DCT: variants seen among roughly 807,000 people sequenced by gnomAD.
The protein encoded by DCT is dopachrome tautomerase, also known as L-dopachrome tautomerase.
Under a neutral mutation model 53.0 loss-of-function variants are expected in DCT, and 47 were observed. The ratio of observed to expected loss-of-function variants is 0.89; its 90% CI spans 0.70 to 1.13. The LOEUF (loss-of-function observed/expected upper bound fraction) is 1.13. DCT is among the 50% of genes most tolerant of loss of function. The pLI, the probability that DCT is intolerant of heterozygous loss-of-function variation, is 0.00. For missense variants in DCT, 669 were observed against 637.4 expected (o/e 1.05, Z -0.53); for synonymous variants, 244 against 237.0 (o/e 1.03, Z -0.27).
chr13:94,505,207 G>T, the DCT span, among the ~76,000 whole-genome samples: 1 of 149,774 alleles, frequency 6.7e-6, no homozygotes, highest in African/African-American at 2.5e-5. Context: ...CCTGGTCTAG[G>T]GTTCTTGACA....
the DCT span, among the ~76,000 whole-genome samples, chr13:94,545,241 ATATAT>A: frequency 2.0e-5 from 3 of 152,088 alleles, no homozygotes; most frequent in Admixed American, 2.0e-4. Flanking sequence ...CAGGTAAAAT[ATATAT>A]TATAAAACCA....
Position 94,439,954 on chromosome 13 carries a change from A to C in DCT, c.1504T>G (p.Tyr502Asp), listed in dbSNP as rs1882164609. 1 of 1,613,914 alleles carries C rather than the reference A, an allele frequency of 6.2e-7. No homozygotes were observed. Among genetic ancestry groups the C allele is most frequent in the Non-Finnish European group, 8.5e-7 (1 of 1,179,946 alleles). The change falls in exon 8 of 8, where the codon TAT (tyrosine) becomes GAT (aspartate). Residue 502 changes from tyrosine (Y) to aspartate (D), a missense_variant. Tyr to Asp is a radical substitution (Grantham distance 160, BLOSUM62 -3). Coordinates refer to ENST00000377028, the MANE Select transcript of DCT (RefSeq NM_001922.5). ...AAATGTGTCTCCATTAGGGGTGTAT[A>C]TCCTTTTCGAAGTCTTCTATATTGA... is the stretch of plus-strand genomic sequence containing the variant. ...FLQYRRLRKG[Y>D]TPLMETHLSS...
At chr13:94,466,019 T>TATAC in intron 3 of DCT, among the ~76,000 whole-genome samples, 1 of 101,200 alleles carries the variant, frequency 9.9e-6, no homozygotes, top group East Asian at 3.9e-4. Context: ...TATATATATA[T>TATAC]ATATACTGTG....
At chr13:94,548,637 C>T in the DCT span, among the ~76,000 whole-genome samples, 1 of 151,854 alleles carries the variant, frequency 6.6e-6, no homozygotes, top group Admixed American at 6.6e-5. Flanking sequence ...TCTAGGACAC[C>T]CAGTTTGGCC....
chr13:94,443,651 G>A lies in DCT; in HGVS notation c.1180-14C>T, dbSNP rs377619192. On this transcript the variant is annotated splice_polypyrimidine_tract_variant and intron_variant, in intron 6 of 7. Coordinates refer to ENST00000377028, the MANE Select transcript of DCT (RefSeq NM_001922.5). ...GGAATGAAGAACCTGCAAAACAGTT[G>A]GACACAGCATTTAACATAAATCAGT... The A allele has an allele frequency of 7.5e-6, 12 of 1,600,362 alleles. 1 individual carries two copies. The South Asian group carries it at 7.7e-5, about 10-fold the overall frequency.
At chr13:94,517,900 A>G in the DCT span, among the ~76,000 whole-genome samples, 1 of 152,044 alleles carries the variant, frequency 6.6e-6, no homozygotes, top group African/African-American at 2.4e-5. Flanking sequence ...AATTCTCCCC[A>G]CTACAGCCTC....
the DCT span, among the ~76,000 whole-genome samples, chr13:94,549,337 G>T: frequency 6.6e-6 from 1 of 152,242 alleles, no homozygotes; most frequent in Non-Finnish European, 1.5e-5. Context: ...CAGCCCCCCA[G>T]GCGGCGCGCG....
intron 6 of DCT, among the ~76,000 whole-genome samples, chr13:94,453,102 G>A (rs977428670): frequency 6.6e-6 from 1 of 151,990 alleles, no homozygotes; most frequent in Admixed American, 6.6e-5. Flanking sequence ...TACATAATAG[G>A]TGCCTTATAG....
intron 1 of DCT, among the ~76,000 whole-genome samples, chr13:94,470,982 T>C (rs1202295129): frequency 6.6e-6 from 1 of 152,240 alleles, no homozygotes; most frequent in East Asian, 1.9e-4. Context: ...ATGTAGCAGA[T>C]GATGCCACAT....
the DCT span, among the ~76,000 whole-genome samples, chr13:94,519,157 A>G: frequency 0.49 from 73,977 of 152,050 alleles, 20,211 homozygotes; most frequent in African/African-American, 0.74. Context: ...ATCCTGCTAA[A>G]GCCCCCTATA....
chr13:94,454,569 G>T (rs1883291962), intron 6 of DCT, among the ~76,000 whole-genome samples: 1 of 152,142 alleles, frequency 6.6e-6, no homozygotes, highest in Non-Finnish European at 1.5e-5. Flanking sequence ...TTGCTTCAGA[G>T]TTTTTCCTGC....
At chr13:94,440,199 C>T (rs1279010935) in intron 7 of DCT, 123 bp from the exon 8 acceptor site, 2 of 675,884 alleles carry the variant, frequency 3.0e-6, no homozygotes, top group Non-Finnish European at 5.0e-6. Flanking sequence ...ACTACTCATG[C>T]TAGACTAAAA....
intron 2 of DCT, 58 bp from the exon 3 acceptor site, chr13:94,466,716 A>G (rs1884250061): frequency 2.5e-6 from 3 of 1,182,256 alleles, no homozygotes; most frequent in South Asian, 1.4e-5. Flanking sequence ...AAAATGTTAA[A>G]TCTTACCTGG....
At chr13:94,476,622 C>T (rs1462122615) in intron 1 of DCT, among the ~76,000 whole-genome samples, 2 of 151,844 alleles carry the variant, frequency 1.3e-5, no homozygotes, top group African/African-American at 4.8e-5. Flanking sequence ...ATTACAGGTG[C>T]CCATCACCAC....
the DCT span, among the ~76,000 whole-genome samples, chr13:94,542,028 T>C: frequency 2.6e-5 from 4 of 152,210 alleles, no homozygotes; most frequent in Admixed American, 2.0e-4. Context: ...TGGAGTCTAC[T>C]TGCCTATCAA....
chr13:94,444,283 T>C (rs1029946707), intron 6 of DCT: 1 of 374,982 alleles, frequency 2.7e-6, no homozygotes, highest in Non-Finnish European at 5.3e-6. Flanking sequence ...CCCAAACACT[T>C]CTGGTCCCAA....
the DCT span, among the ~76,000 whole-genome samples, chr13:94,493,364 T>C: frequency 5.9e-5 from 9 of 152,102 alleles, no homozygotes; most frequent in Admixed American, 4.6e-4. Flanking sequence ...TGCAAACTAA[T>C]CTTAAGTGAC....
chr13:94,494,715 A>C, the DCT span, among the ~76,000 whole-genome samples: 1 of 152,220 alleles, frequency 6.6e-6, no homozygotes, highest in East Asian at 1.9e-4. Flanking sequence ...AGCAGAAAGT[A>C]ATTAATCACT....
chr13:94,467,892 G>A (rs538925080), intron 2 of DCT: 3 of 152,266 alleles, frequency 2.0e-5, no homozygotes, highest in African/African-American at 7.2e-5. Context: ...ACTGCTATGG[G>A]AAGAATCTAG....
Sources: gnomAD v4.1 joint callset for allele counts (sites outside exome capture counted in the v4.1 genomes callset) on GRCh38, gnomAD v4.1.1 for gene constraint, MANE v1.5 for transcripts, NCBI Gene and HGNC (gene_info 2026-07-23, HGNC 2026-07-21) for gene names.